The following SRRM3 variants were observed in gnomAD, a reference collection of about 807,000 sequenced individuals.
SRRM3 encodes the protein serine/arginine repetitive matrix protein 3.
Under a neutral mutation model 66.2 loss-of-function variants are expected in SRRM3, and 27 were observed. The ratio of observed to expected loss-of-function variants is 0.41; its 90% CI spans 0.30 to 0.56. The LOEUF is 0.56. Ranked by LOEUF, SRRM3 falls within the 20% of genes least tolerant of loss-of-function variation. The pLI, the probability that SRRM3 is intolerant of heterozygous loss-of-function variation, is 0.32. For missense variants in SRRM3, 918 were observed against 991.9 expected, an observed-to-expected ratio of 0.93 and a Z score of 1.00; for synonymous variants, 391 against 414.9, an observed-to-expected ratio of 0.94 and a Z score of 0.70.
At chr7:76,242,698 A>T (rs1801338616) in intron 2 of SRRM3, among the ~76,000 whole-genome samples, 1 of 152,048 alleles carries the variant, frequency 6.6e-6, no homozygotes, top group Non-Finnish European at 1.5e-5. Context: ...ATCTGGGGTG[A>T]TGGGAGACAG....
At chr7:76,266,502 AATATATAAATATTTATATATTAT>A (rs1385436621) in intron 10 of SRRM3, among the ~76,000 whole-genome samples, 2 of 110,936 alleles carry the variant, frequency 1.8e-5, no homozygotes, top group African/African-American at 7.5e-5. Flanking sequence ...TTATATATTT[AATATATAAATATTTATATATTAT>A]ATATTTAATA....
At chr7:76,276,507 AGGCGCCCTG>A (rs1422138639) in intron 11 of SRRM3, among the ~76,000 whole-genome samples, 1 of 152,140 alleles carries the variant, frequency 6.6e-6, no homozygotes, top group Non-Finnish European at 1.5e-5. Context: ...AGCCTGGAAA[AGGCGCCCTG>A]GAGCTGAGGG....
At chr7:76,211,149 G>A (rs1800421517) in intron 1 of SRRM3, among the ~76,000 whole-genome samples, 1 of 152,220 alleles carries the variant, frequency 6.6e-6, no homozygotes. Flanking sequence ...TTATGTAGCA[G>A]CATTCCAAGG....
At position 76,260,892 on chromosome 7, in the gene SRRM3, G is replaced by A. The variant is rs1801845894; in HGVS notation, c.564G>A (p.Glu188=). The A allele has an allele frequency of 1.3e-6, 2 of 1,561,938 alleles. No homozygotes were observed. The highest frequency in any genetic ancestry group is 2.4e-5 in the South Asian group (2 of 84,662). The change falls in exon 6 of 15, where the codon GAG becomes GAA. Residue 188 remains glutamate (E), a synonymous_variant. Transcript: ENST00000611745. ...HRRSRKKRRL[E]SECSCGSSSP... is the part of the protein sequence containing the mutation. ...CCCTCAGCAAAAAGAGGAGACTGGA[G>A]TCCGAATGCAGGTCAGTGGGGACAG...
intron 1 of SRRM3, among the ~76,000 whole-genome samples, chr7:76,209,062 A>G (rs980410435): frequency 1.6e-4 from 25 of 152,234 alleles, no homozygotes; most frequent in African/African-American, 5.1e-4. Flanking sequence ...TTGCACCACT[A>G]TACTCCAGCC....
At chr7:76,264,567 G>A (rs1258067485) in intron 8 of SRRM3, among the ~76,000 whole-genome samples, 198 bp from the exon 9 acceptor site, 3 of 152,202 alleles carry the variant, frequency 2.0e-5, no homozygotes, top group Admixed American at 1.3e-4. Flanking sequence ...GGACTTCCAG[G>A]AGGAGGAAGG....
intron 3 of SRRM3, among the ~76,000 whole-genome samples, chr7:76,253,787 CAAAAAAAAAAAAAA>C (rs782083114): frequency 4.6e-5 from 3 of 64,788 alleles, no homozygotes; most frequent in African/African-American, 1.0e-4. Context: ...AACTCTGTTT[CAAAAAAAAAAAAAA>C]AAAAAAAAAG....
intron 14 of SRRM3, 134 bp downstream of exon 14, chr7:76,283,235 G>A: frequency 8.9e-7 from 1 of 1,128,318 alleles, no homozygotes; most frequent in Admixed American, 3.5e-5. Flanking sequence ...GGGTGCTAAG[G>A]GACAATGAGT....
At chr7:76,244,523 CAA>C (rs10611441) in intron 2 of SRRM3, among the ~76,000 whole-genome samples, 41,225 of 111,984 alleles carry the variant, frequency 0.37, 6,705 homozygotes, top group Non-Finnish European at 0.4. Flanking sequence ...GACTCCATCT[CAA>C]AAAAAAAAAA....
chr7:76,266,273 ATTATATTAT>A (rs1583927476), intron 10 of SRRM3, among the ~76,000 whole-genome samples: 60 of 72,732 alleles, frequency 8.2e-4, no homozygotes, highest in Non-Finnish European at 9.3e-4. Flanking sequence ...TTTATATTTA[ATTATATTAT>A]ATATTTATAT....
rs1801807003 is a variant in SRRM3, at chr7:76,259,811, C to T, written c.336-95C>T. The T allele has an allele frequency of 2.6e-6, 4 of 1,568,274 alleles. No individual in the cohort carries two copies. In the South Asian group the frequency reaches 4.5e-5, roughly 18 times the overall value. On this transcript the variant is annotated intron_variant, in intron 3 of 14. Coordinates refer to ENST00000611745, the MANE Select transcript of SRRM3 (RefSeq NM_001110199.3). ...CCTCCCCCAGCCGGGTAGCAGCCCG[C>T]AGACTTGCGGGGCTAGGTCAGGCCC...
At chr7:76,221,609 G>A (rs575018023) in intron 1 of SRRM3, among the ~76,000 whole-genome samples, 43 of 152,092 alleles carry the variant, frequency 2.8e-4, no homozygotes, top group Admixed American at 9.2e-4. Context: ...TGATCCACCC[G>A]CCTCGGCCCC....
chr7:76,261,456 G>T, intron 7 of SRRM3, 42 bp downstream of exon 7: 4 of 1,598,564 alleles, frequency 2.5e-6, no homozygotes, highest in Non-Finnish European at 3.4e-6. Context: ...TCTTCCTCCC[G>T]TGGGGCCCAG....
At chr7:76,268,473 C>T (rs1554610114) in intron 11 of SRRM3, 1 of 152,226 alleles carries the variant, frequency 6.6e-6, no homozygotes, top group African/African-American at 2.4e-5. Flanking sequence ...CCCAAAGCCT[C>T]AGCTGGGAGT....
intron 2 of SRRM3, among the ~76,000 whole-genome samples, chr7:76,237,724 C>T (rs1300051368): frequency 6.6e-6 from 1 of 152,108 alleles, no homozygotes; most frequent in African/African-American, 2.4e-5. Context: ...GCTCCTCCTC[C>T]TCCCAGAACT....
Position 76,281,671 on chromosome 7 carries a change from C to T in SRRM3, c.1239C>T (p.Pro413=), listed in dbSNP as rs782781185. 3.5e-5 allele frequency: 35 copies of T among 988,524 alleles called. No individual in the cohort carries two copies. The South Asian group carries it at 1.1e-3, about 30-fold the overall frequency. The allele number at this position is 988,524 out of a possible 1,614,324, so 61.2% of individuals were successfully genotyped here. The part of the protein sequence containing the change: ...PRRRGRRRPR[P]APPRGSSRSL... ...GCAGGGGTCGCCGGCGCCCCCGGCC[C>T]GCGCCCCCCCGGGGCTCGTCGCGCT... The change falls in exon 12 of 15, where the codon CCC becomes CCT. Residue 413 remains proline, a synonymous_variant. Transcript: ENST00000611745.
intron 1 of SRRM3, among the ~76,000 whole-genome samples, chr7:76,220,195 GTC>G (rs1410090897): frequency 6.6e-6 from 1 of 152,208 alleles, no homozygotes; most frequent in African/African-American, 2.4e-5. Context: ...GATTGGCCCA[GTC>G]TCTGCCCTTG....
At chr7:76,279,787 G>C (rs979216070) in intron 11 of SRRM3, among the ~76,000 whole-genome samples, 4 of 152,068 alleles carry the variant, frequency 2.6e-5, no homozygotes, top group African/African-American at 9.7e-5. Flanking sequence ...TGCCCTTCCT[G>C]GTTTTCTGTG....
At chr7:76,205,653 C>T (rs1210122596) in intron 1 of SRRM3, among the ~76,000 whole-genome samples, 1 of 152,236 alleles carries the variant, frequency 6.6e-6, no homozygotes, top group African/African-American at 2.4e-5. Context: ...TGGTGAACAA[C>T]CCTGAGAGGG....
Sources: allele counts gnomAD v4.1 joint callset (sites outside exome capture counted in the v4.1 genomes callset), GRCh38; gene constraint gnomAD v4.1.1; transcripts MANE v1.5; gene names NCBI Gene and HGNC (gene_info 2026-07-23, HGNC 2026-07-21).